PAK6: variants seen among roughly 807,000 people sequenced by gnomAD.
The protein encoded by PAK6 is serine/threonine-protein kinase PAK 6.
PAK6 carries 33 observed loss-of-function variants against 60.8 expected under a neutral mutation model. The observed-to-expected ratio is 0.54, with a 90% CI of 0.41 to 0.73. PAK6 has a LOEUF of 0.73. PAK6 is among the 30% of genes least tolerant of loss of function. The pLI is 0.00. For synonymous variants in PAK6, 404 were observed against 378.5 expected, an observed-to-expected ratio of 1.07 and a Z score of -0.78; for missense variants, 845 against 904.1, an observed-to-expected ratio of 0.93 and a Z score of 0.84.
exon 4 of PAK6, chr15:40,264,793 G>A (rs201346085): frequency 1.5e-5 from 25 of 1,613,726 alleles, no homozygotes; most frequent in East Asian, 1.1e-4. Context: ...ACCATGTTCC[G>A]CAAGAAAAAG....
chr15:40,266,691 T>C, intron 5 of PAK6, 196 bp downstream of exon 5: 1 of 512,058 alleles, frequency 2.0e-6, no homozygotes. Flanking sequence ...CCTTTCCTTC[T>C]TTTCTCTGTG....
At chr15:40,272,307 G>C (rs200815331) in exon 6 of PAK6, 1 of 1,613,996 alleles carries the variant, frequency 6.2e-7, no homozygotes, top group Non-Finnish European at 8.5e-7. Context: ...CGGACCAGCC[G>C]GTGGGGACCT....
chr15:40,266,535 T>C, intron 5 of PAK6, 40 bp downstream of exon 5: 1 of 1,542,412 alleles, frequency 6.5e-7, no homozygotes, highest in Non-Finnish European at 8.7e-7. Flanking sequence ...CACTGGGGAG[T>C]GGGTGTAGGG....
At chr15:40,251,200 GTGTTGGGGA>G (rs1231825902) in intron 2 of PAK6, 2 of 152,318 alleles carry the variant, frequency 1.3e-5, no homozygotes, top group African/African-American at 4.8e-5. Context: ...ATATAAATAT[GTGTTGGGGA>G]TGTTGGGGAT....
At chr15:40,275,398 G>A (rs2039429987) in intron 10 of PAK6, among the ~76,000 whole-genome samples, 1 of 144,564 alleles carries the variant, frequency 6.9e-6, no homozygotes, top group Admixed American at 7.1e-5. Flanking sequence ...CAATTCTCCT[G>A]CCTCAGCCTC....
chr15:40,266,179 G>A (rs191280501), exon 5 of PAK6: 56 of 1,609,034 alleles, frequency 3.5e-5, no homozygotes, highest in Non-Finnish European at 4.2e-5. Context: ...CAGTCCCTGG[G>A]CCCCGCCGAG....
intron 4 of PAK6, among the ~76,000 whole-genome samples, chr15:40,265,425 G>C (rs77554123): frequency 1.1e-4 from 17 of 152,160 alleles, no homozygotes; most frequent in African/African-American, 4.1e-4. Flanking sequence ...AGGGTTTGGA[G>C]GCTGCGAAGC....
rs2038690290 is a variant in PAK6 at position 40,252,258 on chromosome 15, A to C, written c.-117-920A>C. The C allele has an allele frequency of 4.2e-6, 5 of 1,198,166 alleles. No individual in the cohort carries two copies. In the South Asian group the frequency reaches 7.6e-5, roughly 18 times the overall value. The allele number at this position is 1,198,166 out of a possible 1,614,324, so 74.2% of individuals were successfully genotyped here. On this transcript the variant is annotated intron_variant, in intron 2 of 10. Transcript: ENST00000560346. ...GGAGCGTGCATCTGCGATGCCAGTG[A>C]ACGAGGTGATTACACACAGCCGGCG... is the stretch of plus-strand genomic sequence containing the variant.
At chr15:40,248,681 G>A (rs2038566007) in intron 2 of PAK6, among the ~76,000 whole-genome samples, 1 of 152,230 alleles carries the variant, frequency 6.6e-6, no homozygotes, top group Non-Finnish European at 1.5e-5. Context: ...CCAGTGCCAT[G>A]TGGGGGTCCT....
At chr15:40,239,092 A>G (rs941583328), upstream of PAK6, 7 of 152,202 alleles carry the variant, frequency 4.6e-5, no homozygotes, top group Non-Finnish European at 7.3e-5. Flanking sequence ...CGGCGCCCCA[A>G]ACGAGCAGGT....
intron 2 of PAK6, chr15:40,251,622 A>G (rs2038670482): frequency 2.6e-5 from 4 of 152,552 alleles, no homozygotes; most frequent in Admixed American, 2.6e-4. Flanking sequence ...TCACCCAGCC[A>G]CCACTTGACG....
rs767074825 is a variant in PAK6 at position 40,274,311 on chromosome 15, C to G, written c.1878+35C>G. The G allele has an allele frequency of 7.1e-6, 11 of 1,546,878 alleles. No individual in the cohort carries two copies. The African/African-American group carries it at 9.6e-5, about 14-fold the overall frequency. Reference sequence around the variant, plus strand: ...CACACAAGGGTGCGACCTCGCAGACCCCATTCCTCCTGAGGCAAGGGGACC... The same window carrying G: ...CACACAAGGGTGCGACCTCGCAGACGCCATTCCTCCTGAGGCAAGGGGACC... On this transcript the variant is annotated intron_variant, in intron 10 of 10. Coordinates refer to ENST00000560346, the Ensembl canonical transcript of PAK6.
chr15:40,241,983 T>C (rs1326730602), intron 2 of PAK6, among the ~76,000 whole-genome samples: 1 of 152,208 alleles, frequency 6.6e-6, no homozygotes, highest in Non-Finnish European at 1.5e-5. Context: ...ACTCTGTGCC[T>C]AGGAGTCTTC....
chr15:40,270,290 G>A (rs2140988367), intron 5 of PAK6, among the ~76,000 whole-genome samples: 1 of 152,274 alleles, frequency 6.6e-6, no homozygotes, highest in South Asian at 2.1e-4. Flanking sequence ...CCCTCCCAGA[G>A]GCTCCCTGAG....
At chr15:40,275,793 TG>T in intron 10 of PAK6, 133 bp from the exon 11 acceptor site, 1 of 760,728 alleles carries the variant, frequency 1.3e-6, no homozygotes, top group Non-Finnish European at 2.2e-6. Flanking sequence ...CTTGAGGGGG[TG>T]GGGAGGGACA....
At chr15:40,274,814 G>A (rs1246260404) in intron 10 of PAK6, among the ~76,000 whole-genome samples, 1 of 151,998 alleles carries the variant, frequency 6.6e-6, no homozygotes, top group Admixed American at 6.5e-5. Flanking sequence ...TTGCCAAATC[G>A]GCCCCAACCC....
exon 5 of PAK6, chr15:40,266,210 C>T: frequency 6.2e-7 from 1 of 1,609,834 alleles, no homozygotes; most frequent in Non-Finnish European, 8.5e-7. Flanking sequence ...CCTCGCAGCG[C>T]TGTCTGCAGC....
At chr15:40,263,954 A>G (rs2039051180) in intron 3 of PAK6, 1 of 455,992 alleles carries the variant, frequency 2.2e-6, no homozygotes, top group Non-Finnish European at 4.4e-6. Context: ...TACCAGAGAG[A>G]AGAGTGTCAA....
chr15:40,266,527 C>T (rs375465671), intron 5 of PAK6, 32 bp downstream of exon 5: 2 of 1,558,108 alleles, frequency 1.3e-6, no homozygotes, highest in Non-Finnish European at 1.7e-6. Context: ...CAGGTGTCCA[C>T]TGGGGAGTGG....
Sources: allele counts gnomAD v4.1 joint callset (sites outside exome capture counted in the v4.1 genomes callset), GRCh38; gene constraint gnomAD v4.1.1; transcripts MANE v1.5; gene names NCBI Gene and HGNC (gene_info 2026-07-23, HGNC 2026-07-21).